Variants in ZNF385B observed in about 807,000 individuals in gnomAD.
The protein encoded by ZNF385B is zinc finger protein 385B, also known as zinc finger protein 533.
In ZNF385B, 23 loss-of-function variants were observed where a neutral mutation model predicts 39.2. That is an observed-to-expected ratio of 0.59 (90% CI 0.42 to 0.83). The LOEUF (loss-of-function observed/expected upper bound fraction) is 0.83, where lower values mean the gene tolerates loss of function less well. Among genes scored for constraint, ZNF385B ranks in the 40% least tolerant of loss-of-function variants. The probability of loss-of-function intolerance (pLI) is 0.00; values close to 1 mark genes in which losing one functional copy is unlikely to be tolerated. For synonymous variants in ZNF385B, 205 were observed against 222.6 expected (o/e 0.92, Z 0.70); for missense variants, 552 against 598.9 (o/e 0.92, Z 0.82).
chr2:179,609,027 T>C (rs2106125951), intron 3 of ZNF385B, among the ~76,000 whole-genome samples: 2 of 152,278 alleles, frequency 1.3e-5, no homozygotes, highest in South Asian at 4.2e-4. Context: ...AATATTAAGG[T>C]AAATGGGATA....
intron 1 of ZNF385B, among the ~76,000 whole-genome samples, chr2:179,813,905 T>A (rs1414316199): frequency 6.6e-6 from 1 of 152,168 alleles, no homozygotes; most frequent in Non-Finnish European, 1.5e-5. Flanking sequence ...TAGTAAAAGA[T>A]TTATACACAA....
chr2:179,527,868 T>C (rs1383067060), intron 4 of ZNF385B, among the ~76,000 whole-genome samples: 2 of 152,188 alleles, frequency 1.3e-5, no homozygotes, highest in African/African-American at 2.4e-5. Flanking sequence ...AACATTCTAG[T>C]TGGGAAGACC....
chr2:179,466,513 AG>A (rs2052035302), intron 6 of ZNF385B, among the ~76,000 whole-genome samples: 1 of 152,200 alleles, frequency 6.6e-6, no homozygotes, highest in Admixed American at 6.6e-5. Flanking sequence ...AGAGGCTTCT[AG>A]CCCAAGAACC....
intron 3 of ZNF385B, among the ~76,000 whole-genome samples, chr2:179,631,075 A>G (rs909149528): frequency 2.6e-5 from 4 of 152,226 alleles, no homozygotes; most frequent in African/African-American, 9.6e-5. Context: ...GGGAGAATGG[A>G]ACCAAGTTGG....
Position 179,636,572 on chromosome 2 carries a change from C to T in ZNF385B, c.299-91603G>A, listed in dbSNP as rs149335201. Among the ~76,000 whole-genome samples the T allele has an allele frequency of 2.6e-3, 394 of 152,274 alleles. 1 individual carries two copies. Among genetic ancestry groups the T allele is most frequent in the African/African-American group, 8.9e-3 (371 of 41,542 alleles). On this transcript the variant is annotated intron_variant, in intron 3 of 9. Transcript: ENST00000410066. ...CAAATATTACGAAAACATATGATCA[C>T]GTGGACACACTTCTCAGGCCCTCTC...
intron 3 of ZNF385B, among the ~76,000 whole-genome samples, chr2:179,727,006 A>T (rs1239522703): frequency 6.6e-6 from 1 of 152,034 alleles, no homozygotes; most frequent in Non-Finnish European, 1.5e-5. Flanking sequence ...TTAAATGAGT[A>T]TATCACATTG....
intron 4 of ZNF385B, among the ~76,000 whole-genome samples, chr2:179,524,239 A>G (rs913944127): frequency 6.6e-6 from 1 of 152,120 alleles, no homozygotes; most frequent in Non-Finnish European, 1.5e-5. Flanking sequence ...CAGAAATAGA[A>G]ATCAGGTTCT....
chr2:179,808,436 T>A (rs1440445254), intron 1 of ZNF385B, among the ~76,000 whole-genome samples: 2 of 152,142 alleles, frequency 1.3e-5, no homozygotes, highest in African/African-American at 2.4e-5. Flanking sequence ...GAGAAAGGGA[T>A]AAAGCAAAGG....
At chr2:179,691,326 G>A (rs1698336876) in intron 3 of ZNF385B, among the ~76,000 whole-genome samples, 1 of 152,022 alleles carries the variant, frequency 6.6e-6, no homozygotes, top group South Asian at 2.1e-4. Context: ...CCCAAGATCT[G>A]CTCTGATAAA....
At chr2:179,723,778 G>A (rs755743957) in intron 3 of ZNF385B, among the ~76,000 whole-genome samples, 7 of 151,996 alleles carry the variant, frequency 4.6e-5, no homozygotes, top group South Asian at 2.1e-4. Flanking sequence ...TCAAAGCTAC[G>A]TAAGTTTTTA....
At chr2:179,524,276 G>C (rs1368192588) in intron 4 of ZNF385B, among the ~76,000 whole-genome samples, 1 of 151,932 alleles carries the variant, frequency 6.6e-6, no homozygotes, top group African/African-American at 2.4e-5. Flanking sequence ...AAGTCGGCCG[G>C]GCACGGTGGC....
At chr2:179,771,135 T>G (rs1212351782) in intron 1 of ZNF385B, among the ~76,000 whole-genome samples, 2 of 152,108 alleles carry the variant, frequency 1.3e-5, no homozygotes, top group African/African-American at 4.8e-5. Flanking sequence ...GGAAGGATCA[T>G]GGCTTGTAAG....
chr2:179,512,366 G>A (rs1459393407), intron 5 of ZNF385B, among the ~76,000 whole-genome samples: 1 of 152,130 alleles, frequency 6.6e-6, no homozygotes, highest in Non-Finnish European at 1.5e-5. Flanking sequence ...TTGATTTTGT[G>A]TAAGAATCAC....
chr2:179,451,311 G>A (rs1168010775), intron 6 of ZNF385B, among the ~76,000 whole-genome samples: 1 of 151,460 alleles, frequency 6.6e-6, no homozygotes, highest in Non-Finnish European at 1.5e-5. Context: ...GTGAATGGTT[G>A]GAAGCAGAAA....
chr2:179,520,229 T>C (rs1232402978), intron 4 of ZNF385B, among the ~76,000 whole-genome samples: 1 of 152,032 alleles, frequency 6.6e-6, no homozygotes, highest in Non-Finnish European at 1.5e-5. Flanking sequence ...TATAATGTGA[T>C]GGTTACACAA....
intron 1 of ZNF385B, among the ~76,000 whole-genome samples, chr2:179,817,701 G>A (rs1469857095): frequency 6.6e-6 from 1 of 151,576 alleles, no homozygotes. Flanking sequence ...CAATCTGAAT[G>A]GGTCTATGTG....
At chr2:179,505,584 TGAGA>T (rs1420642646) in intron 5 of ZNF385B, among the ~76,000 whole-genome samples, 6 of 152,088 alleles carry the variant, frequency 3.9e-5, no homozygotes, top group African/African-American at 1.5e-4. Context: ...AGCTCACAGT[TGAGA>T]GATAATGAAA....
At chr2:179,702,681 A>G (rs984472775) in intron 3 of ZNF385B, among the ~76,000 whole-genome samples, 2 of 152,228 alleles carry the variant, frequency 1.3e-5, no homozygotes, top group Non-Finnish European at 2.9e-5. Context: ...GACACCACAT[A>G]AACAAAAACA....
intron 3 of ZNF385B, among the ~76,000 whole-genome samples, chr2:179,661,708 T>A (rs1694494418): frequency 6.6e-6 from 1 of 152,200 alleles, no homozygotes; most frequent in African/African-American, 2.4e-5. Flanking sequence ...TCAAACACAT[T>A]TTCACAGCTC....
Sources: allele counts gnomAD v4.1 joint callset (sites outside exome capture counted in the v4.1 genomes callset), GRCh38; gene constraint gnomAD v4.1.1; transcripts MANE v1.5; gene names NCBI Gene and HGNC (gene_info 2026-07-23, HGNC 2026-07-21).